Variants in GON4L observed in about 807,000 individuals in gnomAD.
GON4L encodes GON-4-like protein.
In GON4L, 87 loss-of-function variants were observed where a neutral mutation model predicts 211.8. The ratio of observed to expected loss-of-function variants is 0.41; its 90% CI spans 0.35 to 0.49. GON4L has a LOEUF of 0.49. Among genes scored for constraint, GON4L ranks in the 20% least tolerant of loss-of-function variants. The pLI is 0.15. For missense variants in GON4L, 2,155 were observed against 2,659.5 expected (o/e 0.81, Z 4.17); for synonymous variants, 875 against 962.6 (o/e 0.91, Z 1.68).
rs1312574703 is a variant in GON4L at position 155,765,336 on chromosome 1, C to T, written c.4137G>A (p.Lys1379=). The T allele has an allele frequency of 1.2e-6, 2 of 1,614,214 alleles. No homozygotes were observed. The highest frequency in any genetic ancestry group is 1.3e-5 in the African/African-American group (1 of 75,066). The change falls in exon 21 of 32, where the codon AAG becomes AAA. Residue 1379 remains lysine, a synonymous_variant. Coordinates refer to ENST00000368331, the MANE Select transcript of GON4L (RefSeq NM_001282860.2). The part of the protein sequence containing the change: ...GEVTKQTVLQ[K]EEERSQPTKT... ...TAGTTGGCTGACTCCTCTCCTCTTC[C>T]TTCTGTAAGACTGTCTGTTTCGTTA...
chr1:155,816,773 T>TTTAAA (rs377228820), intron 6 of GON4L, among the ~76,000 whole-genome samples: 6 of 78,092 alleles, frequency 7.7e-5, no homozygotes, highest in Non-Finnish European at 9.3e-5. Context: ...TTTTTTTTCT[T>TTTAAA]AAAAAAAAAA....
Position 155,821,571 on chromosome 1 carries a change from T to G in GON4L, c.889-23A>C, listed in dbSNP as rs556401174. On this transcript the variant is annotated intron_variant, in intron 4 of 31. Transcript: ENST00000368331. The stretch of plus-strand genomic sequence containing the variant: ...TTCCTGGAGAAAGATGAAATTTCAC[T>G]TTATGCAACAAGGGTTTGTCACCTA... 4.2e-6 allele frequency: 6 copies of G among 1,437,212 alleles called. No individual in the cohort carries two copies. In the African/African-American group the frequency reaches 8.4e-5, roughly 20 times the overall value. The allele number at this position is 1,437,212 out of a possible 1,614,324, so 89.0% of individuals were successfully genotyped here. A position where few individuals can be genotyped will look rare whatever the true frequency, so the allele number is the denominator to read the frequency against.
rs777327684 is a variant in GON4L, at chr1:155,752,067, C to T, written c.6366G>A (p.Gln2122=). The T allele has an allele frequency of 6.2e-7, 1 of 1,613,794 alleles. No individual in the cohort carries two copies. The highest frequency in any genetic ancestry group is 1.7e-5 in the Admixed American group (1 of 60,016). Residue 2122 remains glutamine, a synonymous_variant, in exon 30 of 32, where the codon CAG becomes CAA. Transcript: ENST00000368331. ...RGGLAKDSGT[Q]AKGPEGEQQP... ...GCTGCTCCCCCTCTGGACCCTTGGC[C>T]TGTGTTCCACTGTCTTTAGCCAAAC...
chr1:155,792,144 A>C (rs554484674), intron 12 of GON4L, among the ~76,000 whole-genome samples: 2 of 152,266 alleles, frequency 1.3e-5, no homozygotes, highest in Non-Finnish European at 2.9e-5. Context: ...AAACAGGACT[A>C]AAAAGGCCAC....
chr1:155,756,981 T>A lies in GON4L; in HGVS notation c.5494A>T (p.Ile1832Phe). Residue 1832 changes from isoleucine (I) to phenylalanine (F), a missense_variant, in exon 27 of 32, where the codon ATC becomes TTC. By Grantham distance (21) the Ile-to-Phe change is conservative. Around this residue, in one of 6 missense-constraint regions of GON4L, gnomAD observed 455 missense variants for 504.6 expected, o/e 0.90. Transcript: ENST00000368331. ...ACCTTATCATGATTTTGGACCCCGA[T>A]CTCTTTTTTCCTCTTGTTCTTTGAG... ...TASKNKRKKE[I>F]GVQNHDKETE... is the part of the protein sequence containing the mutation. The A allele has an allele frequency of 1.2e-6, 2 of 1,613,358 alleles. No individual in the cohort carries two copies. The highest frequency in any genetic ancestry group is 2.2e-5 in the South Asian group (2 of 91,074).
Position 155,826,853 on chromosome 1 carries a change from TCCA to T in GON4L, c.678_680del (p.Gly227del). 1 of 1,609,784 alleles carries T rather than the reference TCCA, an allele frequency of 6.2e-7. No homozygotes were observed. Among genetic ancestry groups the T allele is most frequent in the Non-Finnish European group, 8.5e-7 (1 of 1,176,368 alleles). On this transcript the variant is annotated inframe_deletion, in exon 3 of 32. Coordinates refer to ENST00000368331, the MANE Select transcript of GON4L (RefSeq NM_001282860.2). ...AAAGCCTACCCATTGGAATGAAGAG[TCCA>T]CCATCTTCTATCTCTTCCTCAGGTT... is the stretch of plus-strand genomic sequence containing the variant.
intron 10 of GON4L, among the ~76,000 whole-genome samples, chr1:155,810,008 A>ATATATATATT (rs1491289229): frequency 9.3e-6 from 1 of 107,920 alleles, no homozygotes; most frequent in Non-Finnish European, 1.9e-5. Context: ...ATATATATAT[A>ATATATATATT]TTTTTGAAAT....
In GON4L at chr1:155,765,635, C is replaced by G; in HGVS notation, c.3838G>C (p.Glu1280Gln). ...CAGGCACTATTCTCTGACAATCCTTCTTGGCACTCTGCATCTGCTAGTGGA... is the reference window on the plus strand; with the variant it reads ...CAGGCACTATTCTCTGACAATCCTTGTTGGCACTCTGCATCTGCTAGTGGA... ...GPPLADAECQ[E>Q]GLSENSACRW... The change falls in exon 21 of 32, where the codon GAA (glutamate) becomes CAA (glutamine). Residue 1280 changes from glutamate (E) to glutamine (Q), a missense_variant. Coordinates refer to ENST00000368331, the MANE Select transcript of GON4L (RefSeq NM_001282860.2). The G allele has an allele frequency of 6.2e-7, 1 of 1,614,210 alleles. No individual in the cohort carries two copies. The highest frequency in any genetic ancestry group is 8.5e-7 in the Non-Finnish European group (1 of 1,180,038).
At chr1:155,816,017 A>G in intron 7 of GON4L, 117 bp from the exon 8 acceptor site, 2 of 736,662 alleles carry the variant, frequency 2.7e-6, no homozygotes, top group Middle Eastern at 2.7e-4. Context: ...CATAATGTAC[A>G]GCTAAAGCAA....
intron 28 of GON4L, chr1:155,753,938 T>A (rs945447246): frequency 3.8e-6 from 1 of 266,384 alleles, no homozygotes; most frequent in Non-Finnish European, 7.3e-6. Flanking sequence ...GGTATCATCA[T>A]GGCTCACTGC....
chr1:155,827,196 A>G (rs1301396266), intron 2 of GON4L, among the ~76,000 whole-genome samples, 168 bp from the exon 3 acceptor site: 1 of 152,192 alleles, frequency 6.6e-6, no homozygotes, highest in Non-Finnish European at 1.5e-5. Context: ...CAATTTACTC[A>G]TCTGTAAACT....
chr1:155,841,326 T>C (rs1010203543), intron 2 of GON4L, among the ~76,000 whole-genome samples: 8 of 152,314 alleles, frequency 5.3e-5, no homozygotes, highest in Admixed American at 3.3e-4. Context: ...TGAGAGATTA[T>C]AGGGGCTGGG....
At chr1:155,848,945 C>A (rs1256958320) in intron 2 of GON4L, among the ~76,000 whole-genome samples, 1 of 141,978 alleles carries the variant, frequency 7.0e-6, no homozygotes, top group African/African-American at 2.6e-5. Flanking sequence ...GTCAGGAGTT[C>A]GAGACCAGGC....
chr1:155,817,771 C>A (rs1463431563), intron 6 of GON4L, among the ~76,000 whole-genome samples: 1 of 151,886 alleles, frequency 6.6e-6, no homozygotes, highest in Non-Finnish European at 1.5e-5. Flanking sequence ...TTCAAAAAAA[C>A]CAATTAGCTG....
chr1:155,748,463 T>C (rs1660341970), downstream of GON4L: 1 of 1,610,162 alleles, frequency 6.2e-7, no homozygotes, highest in African/African-American at 1.3e-5. Flanking sequence ...CACTGTTCCT[T>C]ATCGCCTGTG....
Position 155,849,773 on chromosome 1 carries a change from CAAAA to C in GON4L, c.505+3499_505+3502del, listed in dbSNP as rs11330008. On this transcript the variant is annotated intron_variant, in intron 2 of 31. Transcript: ENST00000368331. ...TGGGCAACAGAACGAGACTCCGTCT[CAAAA>C]AAAAAAAAAAAAAAAAAAGAAAGAA... Among the ~76,000 whole-genome samples the C allele has an allele frequency of 1.4e-4, 11 of 77,310 alleles. No homozygotes were observed. The South Asian group carries it at 2.3e-3, about 16-fold the overall frequency. 50.7% of individuals were successfully genotyped at this position (77,310 alleles called of 152,430 possible).
At chr1:155,750,790 G>A (rs765440267) in intron 31 of GON4L, 57 bp from the exon 32 acceptor site, 1 of 1,510,076 alleles carries the variant, frequency 6.6e-7, no homozygotes. Context: ...TTGAGACGGA[G>A]TCTCTCTCTG....
In GON4L at chr1:155,772,743, C is replaced by CTAAA. The variant is rs1168585326; in HGVS notation, c.2495+319_2495+322dup. On this transcript the variant is annotated intron_variant, in intron 18 of 31. Coordinates refer to ENST00000368331, the MANE Select transcript of GON4L (RefSeq NM_001282860.2). ...TGGGTGACACAGTAAGATTCTGCCTCTAAATAAATAAATAAATAACATAAA... is the reference window on the plus strand; with the variant it reads ...TGGGTGACACAGTAAGATTCTGCCTCTAAATAAATAAATAAATAAATAACATAAA... 4.6e-5 allele frequency among the ~76,000 whole-genome samples: 7 copies of CTAAA among 151,470 alleles called. No homozygotes were observed. In the East Asian group the frequency reaches 1.4e-3, roughly 30 times the overall value.
At chr1:155,752,728 T>G (rs538780779) in intron 29 of GON4L, 138 bp from the exon 30 acceptor site, 1 of 1,363,318 alleles carries the variant, frequency 7.3e-7, no homozygotes, top group African/African-American at 1.4e-5. Context: ...ACCTATAATG[T>G]CCGCACTTTG....
Sources: gnomAD v4.1 joint callset for allele counts (sites outside exome capture counted in the v4.1 genomes callset) on GRCh38, gnomAD v4.1.1 for gene constraint, gnomAD v4.1.1 regional missense constraint, MANE v1.5 for transcripts, NCBI Gene and HGNC (gene_info 2026-07-23, HGNC 2026-07-21) for gene names.